Variants in CNTNAP2 observed in about 807,000 individuals in gnomAD.
The protein encoded by CNTNAP2 is contactin-associated protein-like 2.
A neutral mutation model predicts 155.2 loss-of-function variants in CNTNAP2; 98 were observed. The observed-to-expected ratio is 0.63, with a 90% CI of 0.54 to 0.75. The LOEUF (loss-of-function observed/expected upper bound fraction) is 0.75. Among genes scored for constraint, CNTNAP2 ranks in the 30% least tolerant of loss-of-function variants. The probability of loss-of-function intolerance (pLI) is 0.00; values close to 1 mark genes in which losing one functional copy is unlikely to be tolerated. For synonymous variants in CNTNAP2, 651 were observed against 631.2 expected (o/e 1.03, Z -0.47); for missense variants, 1,727 against 1,688.1 (o/e 1.02, Z -0.40).
intron 3 of CNTNAP2, among the ~76,000 whole-genome samples, chr7:146,866,026 C>T (rs1015551369): frequency 1.3e-5 from 2 of 152,008 alleles, no homozygotes; most frequent in Non-Finnish European, 2.9e-5. Context: ...TCAGAAGATC[C>T]ACCCATTTCT....
At chr7:146,563,454 C>G (rs1798311516) in intron 1 of CNTNAP2, among the ~76,000 whole-genome samples, 1 of 152,080 alleles carries the variant, frequency 6.6e-6, no homozygotes, top group African/African-American at 2.4e-5. Context: ...ACCCCAGAGA[C>G]AAAACATGCT....
chr7:146,165,683 A>G (rs545612907), intron 1 of CNTNAP2, among the ~76,000 whole-genome samples: 1 of 152,194 alleles, frequency 6.6e-6, no homozygotes, highest in Non-Finnish European at 1.5e-5. Context: ...CCACTTTATT[A>G]TGTCACAAAA....
At chr7:146,160,425 A>G (rs1030477332) in intron 1 of CNTNAP2, among the ~76,000 whole-genome samples, 3 of 152,206 alleles carry the variant, frequency 2.0e-5, no homozygotes, top group East Asian at 1.9e-4. Context: ...GAAAAGATCA[A>G]CAAAATTGAT....
chr7:146,814,948 G>A (rs1219465781), intron 2 of CNTNAP2, among the ~76,000 whole-genome samples: 2 of 151,970 alleles, frequency 1.3e-5, no homozygotes, highest in Non-Finnish European at 2.9e-5. Context: ...ATTGAGAAAA[G>A]GAAAAGAAAA....
chr7:146,265,430 G>A (rs1799979352), intron 1 of CNTNAP2, among the ~76,000 whole-genome samples: 1 of 150,518 alleles, frequency 6.6e-6, no homozygotes, highest in Non-Finnish European at 1.5e-5. Flanking sequence ...CTTCATTTGA[G>A]TAGATTTTCT....
intron 1 of CNTNAP2, among the ~76,000 whole-genome samples, chr7:146,666,000 T>C (rs1223456697): frequency 2.0e-5 from 3 of 151,952 alleles, no homozygotes; most frequent in African/African-American, 7.3e-5. Flanking sequence ...GTTGGGAACA[T>C]TCAATATCCC....
intron 1 of CNTNAP2, among the ~76,000 whole-genome samples, chr7:146,248,582 T>G (rs528447111): frequency 1.1e-4 from 16 of 152,190 alleles, no homozygotes; most frequent in African/African-American, 3.4e-4. Flanking sequence ...AGGGAGAGAT[T>G]GACGTGTGGC....
chr7:146,712,856 T>A (rs1290550549), intron 1 of CNTNAP2, among the ~76,000 whole-genome samples: 1 of 152,008 alleles, frequency 6.6e-6, no homozygotes, highest in Non-Finnish European at 1.5e-5. Context: ...AACCATACAT[T>A]TTAGATGGTC....
chr7:146,140,851 A>G (rs1797866125), intron 1 of CNTNAP2, among the ~76,000 whole-genome samples: 1 of 152,106 alleles, frequency 6.6e-6, no homozygotes, highest in South Asian at 2.1e-4. Context: ...TTTCTGGATT[A>G]TTATGAAGGG....
chr7:147,296,793 C>A (rs1196065250), intron 8 of CNTNAP2, among the ~76,000 whole-genome samples: 1 of 152,086 alleles, frequency 6.6e-6, no homozygotes, highest in Non-Finnish European at 1.5e-5. Flanking sequence ...CAAAAAGGTT[C>A]TTTAATAAGG....
intron 13 of CNTNAP2, among the ~76,000 whole-genome samples, chr7:147,679,562 T>C (rs897737141): frequency 2.0e-5 from 3 of 151,884 alleles, no homozygotes; most frequent in Non-Finnish European, 4.4e-5. Context: ...ATAGGCAATA[T>C]GTTGTTTATT....
intron 14 of CNTNAP2, among the ~76,000 whole-genome samples, chr7:147,958,376 C>A (rs532880429): frequency 6.6e-6 from 1 of 151,958 alleles, no homozygotes; most frequent in Non-Finnish European, 1.5e-5. Context: ...TTAAAGTTTG[C>A]GAGGGAACCA....
At chr7:147,903,115 C>A (rs1296000438) in intron 13 of CNTNAP2, among the ~76,000 whole-genome samples, 1 of 152,136 alleles carries the variant, frequency 6.6e-6, no homozygotes, top group African/African-American at 2.4e-5. Context: ...GTTCCCCTTT[C>A]ACCACATTCA....
chr7:147,350,576 G>A (rs920136053), intron 9 of CNTNAP2, among the ~76,000 whole-genome samples: 1 of 151,820 alleles, frequency 6.6e-6, no homozygotes, highest in Non-Finnish European at 1.5e-5. Flanking sequence ...TTGTGTGTGT[G>A]TGCACGTGTG....
At chr7:147,178,166 G>T (rs1469460065) in intron 8 of CNTNAP2, among the ~76,000 whole-genome samples, 3 of 152,180 alleles carry the variant, frequency 2.0e-5, no homozygotes, top group Admixed American at 2.0e-4. Context: ...GAGATGGAGA[G>T]ATTATTGGGT....
intron 2 of CNTNAP2, among the ~76,000 whole-genome samples, chr7:146,823,559 A>T (rs1285866767): frequency 6.8e-6 from 1 of 146,416 alleles, no homozygotes; most frequent in Non-Finnish European, 1.5e-5. Context: ...TCTTCAGTAT[A>T]TTTACATGGA....
At chr7:146,678,133 A>C (rs1187861182) in intron 1 of CNTNAP2, among the ~76,000 whole-genome samples, 1 of 151,986 alleles carries the variant, frequency 6.6e-6, no homozygotes, top group Non-Finnish European at 1.5e-5. Context: ...AGTGGCACAA[A>C]TCTTGGCTCA....
chr7:146,601,782 T>C (rs1006092648), intron 1 of CNTNAP2, among the ~76,000 whole-genome samples: 2 of 151,948 alleles, frequency 1.3e-5, no homozygotes, highest in African/African-American at 4.8e-5. Context: ...TGCAAATACA[T>C]AGGAAAAATT....
chr7:147,865,737 A>G (rs1215699424), intron 13 of CNTNAP2, among the ~76,000 whole-genome samples: 6 of 152,080 alleles, frequency 3.9e-5, no homozygotes, highest in African/African-American at 1.4e-4. Context: ...AGTATTCGCT[A>G]ATGATAGTTT....
Sources: allele counts gnomAD v4.1 joint callset (sites outside exome capture counted in the v4.1 genomes callset), GRCh38; gene constraint gnomAD v4.1.1; transcripts MANE v1.5; gene names NCBI Gene and HGNC (gene_info 2026-07-23, HGNC 2026-07-21).